C12orf50: variants seen among roughly 807,000 people sequenced by gnomAD.
C12orf50 encodes the protein zinc finger CCCH-type containing 11D.
In C12orf50, 35 loss-of-function variants were observed where a neutral mutation model predicts 61.6. The observed-to-expected ratio is 0.57, with a 90% CI of 0.43 to 0.75. The LOEUF (loss-of-function observed/expected upper bound fraction) is 0.75. Ranked by LOEUF, C12orf50 falls within the 30% of genes least tolerant of loss-of-function variation. The pLI is 0.00. For missense variants in C12orf50, 475 were observed against 488.5 expected (o/e 0.97, Z 0.26); for synonymous variants, 178 against 161.5 (o/e 1.10, Z -0.77).
intron 3 of C12orf50, among the ~76,000 whole-genome samples, chr12:88,012,325 C>T (rs1038233057): frequency 1.3e-5 from 2 of 152,156 alleles, no homozygotes; most frequent in Non-Finnish European, 2.9e-5. Context: ...GTATTTCCTA[C>T]TCCCATAAAT....
Position 88,010,465 on chromosome 12 carries a change from A to T in C12orf50, c.134-12275T>A, listed in dbSNP as rs568384373. On this transcript the variant is annotated intron_variant, in intron 3 of 12. Coordinates refer to ENST00000298699, the MANE Select transcript of C12orf50 (RefSeq NM_152589.3). ...ATAAGATTATAAGATTAAAATTATT[A>T]TAATCTTATAATAAGATTATAAGAT... 1.4e-4 allele frequency among the ~76,000 whole-genome samples: 20 copies of T among 146,438 alleles called. 1 individual carries two copies. In the South Asian group the frequency reaches 3.4e-3, roughly 25 times the overall value.
Position 87,999,062 on chromosome 12 carries a change from A to G in C12orf50, c.134-872T>C, listed in dbSNP as rs534910623. Among the ~76,000 whole-genome samples the G allele has an allele frequency of 1.8e-3, 277 of 152,300 alleles. 1 individual carries two copies. The highest frequency in any genetic ancestry group is 6.1e-3 in the African/African-American group (255 of 41,570). On this transcript the variant is annotated intron_variant, in intron 3 of 12. Transcript: ENST00000298699. ...TTTTAGATATGACACCAAAAGAAAA[A>G]GCAGTCAATGAAAAGTAGCCAGCCC...
chr12:87,998,229 T>C, intron 3 of C12orf50, 39 bp from the exon 4 acceptor site: 2 of 1,527,128 alleles, frequency 1.3e-6, no homozygotes, highest in Non-Finnish European at 1.8e-6. Flanking sequence ...GTTCAAGATA[T>C]ATGTGATGAT....
At chr12:88,021,051 G>T (rs990151479) in intron 3 of C12orf50, among the ~76,000 whole-genome samples, 6 of 152,086 alleles carry the variant, frequency 3.9e-5, no homozygotes, top group African/African-American at 1.4e-4. Context: ...TAAGAGGGAA[G>T]TTTATAGCAC....
At chr12:87,991,935 T>C (rs780460400) in intron 7 of C12orf50, among the ~76,000 whole-genome samples, 4 of 152,024 alleles carry the variant, frequency 2.6e-5, no homozygotes, top group Non-Finnish European at 5.9e-5. Context: ...GTACGCAGAG[T>C]GGTGAAAATT....
chr12:88,019,375 A>C (rs1244237388), intron 3 of C12orf50, among the ~76,000 whole-genome samples: 1 of 152,182 alleles, frequency 6.6e-6, no homozygotes, highest in Non-Finnish European at 1.5e-5. Context: ...ATGTGGAACT[A>C]TAAGTCCATT....
intron 3 of C12orf50, among the ~76,000 whole-genome samples, chr12:88,020,276 T>C (rs1429740511): frequency 2.0e-5 from 3 of 152,176 alleles, no homozygotes; most frequent in Non-Finnish European, 4.4e-5. Flanking sequence ...CCCACTAACA[T>C]GCTGTCTTCA....
At chr12:88,023,922 T>C (rs2032610687) in intron 3 of C12orf50, among the ~76,000 whole-genome samples, 1 of 152,138 alleles carries the variant, frequency 6.6e-6, no homozygotes, top group South Asian at 2.1e-4. Context: ...CCAGAATTTA[T>C]AAGGGACTTA....
chr12:88,017,964 G>A (rs1271686126), intron 3 of C12orf50, among the ~76,000 whole-genome samples: 1 of 152,174 alleles, frequency 6.6e-6, no homozygotes, highest in Non-Finnish European at 1.5e-5. Context: ...ATAAAAGTTT[G>A]GAAAATTTGC....
At chr12:88,011,479 T>C (rs894397100) in intron 3 of C12orf50, among the ~76,000 whole-genome samples, 2 of 152,220 alleles carry the variant, frequency 1.3e-5, no homozygotes, top group African/African-American at 4.8e-5. Flanking sequence ...ATGATAACAC[T>C]GATTACTCAC....
At chr12:87,992,295 G>A (rs1217359246) in intron 7 of C12orf50, among the ~76,000 whole-genome samples, 1 of 152,134 alleles carries the variant, frequency 6.6e-6, no homozygotes, top group Non-Finnish European at 1.5e-5. Flanking sequence ...GTTCCCCGAG[G>A]AGCAATGGTT....
intron 3 of C12orf50, among the ~76,000 whole-genome samples, chr12:88,021,724 A>G (rs1429597705): frequency 1.3e-5 from 2 of 152,170 alleles, no homozygotes; most frequent in Non-Finnish European, 2.9e-5. Context: ...CTCTATGGGT[A>G]CAAACTAGAA....
chr12:87,989,663 T>G (rs2031026280), intron 7 of C12orf50, among the ~76,000 whole-genome samples: 1 of 152,100 alleles, frequency 6.6e-6, no homozygotes, highest in African/African-American at 2.4e-5. Context: ...CCTTTAGAGA[T>G]ACTCAGAGTA....
chr12:88,025,993 T>C (rs766868040), intron 3 of C12orf50, among the ~76,000 whole-genome samples: 6 of 152,328 alleles, frequency 3.9e-5, no homozygotes, highest in South Asian at 4.1e-4. Context: ...TTTGTAGCAA[T>C]GGCATTGCAT....
At chr12:88,010,385 A>T (rs190295317) in intron 3 of C12orf50, among the ~76,000 whole-genome samples, 71 of 117,696 alleles carry the variant, frequency 6.0e-4, no homozygotes, top group African/African-American at 2.9e-3. Context: ...TATAAGATTA[A>T]AATTATTATA....
intron 3 of C12orf50, among the ~76,000 whole-genome samples, chr12:88,017,149 C>A (rs568170690): frequency 5.9e-5 from 9 of 152,234 alleles, no homozygotes; most frequent in African/African-American, 2.2e-4. Context: ...TGTCCCTACC[C>A]AAATCTCATC....
At chr12:87,992,843 TAAGAC>T (rs1565743455) in intron 7 of C12orf50, among the ~76,000 whole-genome samples, 2 of 152,162 alleles carry the variant, frequency 1.3e-5, no homozygotes, top group African/African-American at 4.8e-5. Flanking sequence ...AAAATAATAT[TAAGAC>T]AAGACAATGC....
At chr12:87,992,285 GT>G (rs2031161549) in intron 7 of C12orf50, among the ~76,000 whole-genome samples, 1 of 152,116 alleles carries the variant, frequency 6.6e-6, no homozygotes, top group Non-Finnish European at 1.5e-5. Context: ...TGTGTACATA[GT>G]TCCCCGAGGA....
chr12:87,998,537 A>G (rs2031517547), intron 3 of C12orf50, among the ~76,000 whole-genome samples: 1 of 152,118 alleles, frequency 6.6e-6, no homozygotes, highest in Non-Finnish European at 1.5e-5. Context: ...GAAGTTAAAG[A>G]AATGTTGAAA....
Sources: allele counts gnomAD v4.1 joint callset (sites outside exome capture counted in the v4.1 genomes callset), GRCh38; gene constraint gnomAD v4.1.1; transcripts MANE v1.5; gene names NCBI Gene and HGNC (gene_info 2026-07-23, HGNC 2026-07-21).